Variants in PPARGC1A observed in about 807,000 individuals in gnomAD.
PPARGC1A encodes the protein peroxisome proliferator-activated receptor gamma coactivator 1-alpha.
Under a neutral mutation model 88.7 loss-of-function variants are expected in PPARGC1A, and 25 were observed. The observed-to-expected ratio is 0.28, with a 90% CI of 0.21 to 0.39. The LOEUF (loss-of-function observed/expected upper bound fraction) is 0.39, where lower values mean the gene tolerates loss of function less well. Ranked by LOEUF, PPARGC1A falls within the 10% of genes least tolerant of loss-of-function variation. The pLI is 1.00. For synonymous variants in PPARGC1A, 363 were observed against 355.6 expected, an observed-to-expected ratio of 1.02 and a Z score of -0.24; for missense variants, 880 against 968.7, an observed-to-expected ratio of 0.91 and a Z score of 1.22.
chr4:23,980,539 G>A, the PPARGC1A span, among the ~76,000 whole-genome samples: 6 of 152,204 alleles, frequency 3.9e-5, no homozygotes, highest in Non-Finnish European at 8.8e-5. Context: ...GTACCCATTT[G>A]TGCAAGTTTA....
chr4:24,196,412 C>T, the PPARGC1A span, among the ~76,000 whole-genome samples: 1 of 152,230 alleles, frequency 6.6e-6, no homozygotes, highest in African/African-American at 2.4e-5. Context: ...TATCTTTAAA[C>T]ATCAGCTAAA....
the PPARGC1A span, among the ~76,000 whole-genome samples, chr4:24,145,075 A>ATGAGTG: frequency 8.7e-6 from 1 of 114,418 alleles, no homozygotes; most frequent in Non-Finnish European, 1.7e-5. Flanking sequence ...CTAGTGTTGA[A>ATGAGTG]TGAGTGTGTG....
the PPARGC1A span, among the ~76,000 whole-genome samples, chr4:24,302,890 A>G: frequency 6.6e-6 from 1 of 152,174 alleles, no homozygotes; most frequent in Non-Finnish European, 1.5e-5. Flanking sequence ...GAAAAAGAAA[A>G]CCATCTTAAT....
At chr4:23,895,253 G>C (rs1417497127) in intron 1 of PPARGC1A, among the ~76,000 whole-genome samples, 1 of 149,130 alleles carries the variant, frequency 6.7e-6, no homozygotes, top group Non-Finnish European at 1.5e-5. Context: ...CGATCTTAGA[G>C]AAACAAAACA....
At chr4:24,008,674 T>G in the PPARGC1A span, among the ~76,000 whole-genome samples, 1 of 149,168 alleles carries the variant, frequency 6.7e-6, no homozygotes. Context: ...TCAGAAGTAC[T>G]GAAAATCTAA....
chr4:24,004,222 A>G, the PPARGC1A span, among the ~76,000 whole-genome samples: 3 of 152,190 alleles, frequency 2.0e-5, no homozygotes, highest in Non-Finnish European at 4.4e-5. Flanking sequence ...AGCTGCGACC[A>G]TTTCAGAATT....
chr4:24,049,227 CAT>C, the PPARGC1A span, among the ~76,000 whole-genome samples: 7,281 of 138,214 alleles, frequency 0.053, 534 homozygotes, highest in African/African-American at 0.16. Flanking sequence ...TATATATATA[CAT>C]ATATATAAAT....
At chr4:24,307,903 T>C in the PPARGC1A span, among the ~76,000 whole-genome samples, 2 of 152,162 alleles carry the variant, frequency 1.3e-5, no homozygotes, top group African/African-American at 4.8e-5. Flanking sequence ...GGGAGAGACA[T>C]GGACCCTTGC....
chr4:24,359,982 AG>A, the PPARGC1A span, among the ~76,000 whole-genome samples: 1 of 152,168 alleles, frequency 6.6e-6, no homozygotes, highest in African/African-American at 2.4e-5. Flanking sequence ...CTCCCATCTG[AG>A]TAGAAGGTAA....
chr4:24,425,115 C>T, the PPARGC1A span, among the ~76,000 whole-genome samples: 4 of 152,162 alleles, frequency 2.6e-5, no homozygotes, highest in South Asian at 2.1e-4. Flanking sequence ...ATCATCCAAA[C>T]GCTCAATGCC....
At chr4:24,039,375 T>A in the PPARGC1A span, among the ~76,000 whole-genome samples, 1 of 152,158 alleles carries the variant, frequency 6.6e-6, no homozygotes, top group Admixed American at 6.5e-5. Flanking sequence ...GATTCCCTAG[T>A]ATTTGATTTA....
In PPARGC1A at chr4:23,821,606, C is replaced by CA. The variant is rs1219138921; in HGVS notation, c.877+2673dup. Among the ~76,000 whole-genome samples, 3 of 152,002 alleles carry CA rather than the reference C, an allele frequency of 2.0e-5. No individual in the cohort carries two copies. In the East Asian group the frequency reaches 5.8e-4, roughly 29 times the overall value. ...AGTTGGAAAGATAAGAAGTAAGGTA[C>CA]AACGACCACTGCAAATGAAGTTAAC... On this transcript the variant is annotated intron_variant, in intron 7 of 12. Transcript: ENST00000264867.
chr4:24,343,120 C>G, the PPARGC1A span, among the ~76,000 whole-genome samples: 5 of 152,218 alleles, frequency 3.3e-5, no homozygotes, highest in Non-Finnish European at 1.5e-5. Flanking sequence ...CTGAAACACT[C>G]TGCTTCTCAA....
At chr4:23,917,288 A>G in the PPARGC1A span, among the ~76,000 whole-genome samples, 1 of 152,278 alleles carries the variant, frequency 6.6e-6, no homozygotes, top group East Asian at 1.9e-4. Flanking sequence ...GGCAGATTTC[A>G]CAGTTATATT....
chr4:23,934,394 G>C, the PPARGC1A span, among the ~76,000 whole-genome samples: 1 of 152,232 alleles, frequency 6.6e-6, no homozygotes, highest in Non-Finnish European at 1.5e-5. Context: ...AACTGAAGTA[G>C]CCGTGCTAGT....
At chr4:23,838,554 A>C (rs1312503922) in intron 2 of PPARGC1A, among the ~76,000 whole-genome samples, 1 of 152,226 alleles carries the variant, frequency 6.6e-6, no homozygotes, top group African/African-American at 2.4e-5. Context: ...TTCGTAACAC[A>C]TTATAAAATG....
chr4:24,063,821 C>T, the PPARGC1A span, among the ~76,000 whole-genome samples: 325 of 152,246 alleles, frequency 2.1e-3, 2 homozygotes, highest in African/African-American at 7.4e-3. Flanking sequence ...TTACTGGTGA[C>T]CTCGTTCAAT....
chr4:23,976,630 A>C, the PPARGC1A span, among the ~76,000 whole-genome samples: 1 of 152,188 alleles, frequency 6.6e-6, no homozygotes, highest in African/African-American at 2.4e-5. Flanking sequence ...AGGTTAAATG[A>C]GGGCATAAGG....
chr4:24,470,986 G>C, the PPARGC1A span, among the ~76,000 whole-genome samples: 1 of 151,488 alleles, frequency 6.6e-6, no homozygotes, highest in Non-Finnish European at 1.5e-5. This position sits in a 1 kb window ranked among gnomAD's most constrained non-coding sequence, Gnocchi z 5.8. Flanking sequence ...TCTCTGCCGG[G>C]AGCTCGCAGG....
Sources: gnomAD v4.1 joint callset for allele counts (sites outside exome capture counted in the v4.1 genomes callset) on GRCh38, gnomAD v4.1.1 for gene constraint, Gnocchi (gnomAD v3.1) non-coding constraint, MANE v1.5 for transcripts, NCBI Gene and HGNC (gene_info 2026-07-23, HGNC 2026-07-21) for gene names.